PLCB1: variants seen among roughly 807,000 people sequenced by gnomAD.
The protein encoded by PLCB1 is phospholipase C beta 1, also known as 1-phosphatidylinositol 4,5-bisphosphate phosphodiesterase beta-1.
Under a neutral mutation model 161.8 loss-of-function variants are expected in PLCB1, and 46 were observed. That is an observed-to-expected ratio of 0.28 (90% CI 0.22 to 0.36). The LOEUF (loss-of-function observed/expected upper bound fraction) is 0.36, where lower values mean the gene tolerates loss of function less well. Ranked by LOEUF, PLCB1 falls within the 10% of genes least tolerant of loss-of-function variation. The pLI is 1.00. For missense variants in PLCB1, 1,016 were observed against 1,472.5 expected (o/e 0.69, Z 5.07); for synonymous variants, 517 against 503.7 (o/e 1.03, Z -0.35).
Position 8,432,442 on chromosome 20 carries a change from T to C in PLCB1, c.246+60992T>C, listed in dbSNP as rs749110916. Reference sequence around the variant, plus strand: ...TAAATCCAATCCTATCCTATCCTATTCTATCCGAGCCCCACCCTTATGACC... The same window carrying C: ...TAAATCCAATCCTATCCTATCCTATCCTATCCGAGCCCCACCCTTATGACC... On this transcript the variant is annotated intron_variant, in intron 3 of 31. Transcript: ENST00000338037. Among the ~76,000 whole-genome samples the C allele has an allele frequency of 2.2e-4, 33 of 152,324 alleles. No individual in the cohort carries two copies. In the Middle Eastern group the frequency reaches 0.01, roughly 47 times the overall value.
At chr20:8,766,121 TCA>T (rs1982303206) in intron 26 of PLCB1, among the ~76,000 whole-genome samples, 1 of 152,208 alleles carries the variant, frequency 6.6e-6, no homozygotes, top group Non-Finnish European at 1.5e-5. Context: ...GAAGCATCTC[TCA>T]CACATTCACT....
At chr20:8,417,956 G>C (rs947087097) in intron 3 of PLCB1, among the ~76,000 whole-genome samples, 2 of 152,232 alleles carry the variant, frequency 1.3e-5, no homozygotes, top group Admixed American at 1.3e-4. Context: ...CACCTGGCTA[G>C]CACAGGGCAG....
At chr20:8,214,436 C>T (rs1056369046) in intron 2 of PLCB1, among the ~76,000 whole-genome samples, 3 of 152,120 alleles carry the variant, frequency 2.0e-5, no homozygotes, top group Admixed American at 6.6e-5. Flanking sequence ...GACCCCTCCT[C>T]CCCCTTTGCC....
intron 24 of PLCB1, among the ~76,000 whole-genome samples, chr20:8,759,023 C>G (rs913535802): frequency 2.0e-5 from 3 of 152,228 alleles, no homozygotes; most frequent in Non-Finnish European, 4.4e-5. Flanking sequence ...GATTCCAACG[C>G]AGGATCCCAA....
intron 31 of PLCB1, among the ~76,000 whole-genome samples, chr20:8,875,786 A>G (rs1297714257): frequency 1.3e-5 from 2 of 151,954 alleles, no homozygotes; most frequent in South Asian, 2.1e-4. Flanking sequence ...TCTCTGATTC[A>G]TAACTCAGTA....
intron 23 of PLCB1, among the ~76,000 whole-genome samples, chr20:8,753,569 C>T (rs564170835): frequency 5.3e-5 from 8 of 152,232 alleles, no homozygotes; most frequent in South Asian, 2.1e-4. Flanking sequence ...CCTGGCCCAC[C>T]GAGTTCCCAG....
At chr20:8,138,137 C>G (rs148754170) in intron 1 of PLCB1, among the ~76,000 whole-genome samples, 1 of 152,344 alleles carries the variant, frequency 6.6e-6, no homozygotes, top group East Asian at 1.9e-4. Flanking sequence ...ATAATTTTCT[C>G]TCATAGGTTT....
intron 3 of PLCB1, among the ~76,000 whole-genome samples, chr20:8,389,814 G>A (rs933617956): frequency 6.6e-6 from 1 of 152,012 alleles, no homozygotes; most frequent in Non-Finnish European, 1.5e-5. Context: ...TGATGTGCAG[G>A]CCACACCCCA....
At chr20:8,144,090 T>C (rs1277387785) in intron 1 of PLCB1, among the ~76,000 whole-genome samples, 12 of 152,182 alleles carry the variant, frequency 7.9e-5, no homozygotes, top group Non-Finnish European at 1.5e-4. Flanking sequence ...TGATATACTA[T>C]GCTTTTAAAA....
chr20:8,643,887 C>A (rs1452406573), intron 4 of PLCB1, among the ~76,000 whole-genome samples: 1 of 152,146 alleles, frequency 6.6e-6, no homozygotes, highest in East Asian at 1.9e-4. Flanking sequence ...CTCACTGCAA[C>A]CTCCCTGCCT....
chr20:8,204,690 C>T (rs750215390), intron 2 of PLCB1, among the ~76,000 whole-genome samples: 39 of 152,036 alleles, frequency 2.6e-4, no homozygotes, highest in Non-Finnish European at 3.1e-4. Context: ...GCTTCGGGTA[C>T]GGCCTGCAGA....
chr20:8,745,450 G>T (rs955274810), intron 23 of PLCB1, among the ~76,000 whole-genome samples: 1 of 152,072 alleles, frequency 6.6e-6, no homozygotes, highest in East Asian at 1.9e-4. Flanking sequence ...TCATTGGACT[G>T]CAAAATATTA....
intron 3 of PLCB1, among the ~76,000 whole-genome samples, chr20:8,583,994 C>T (rs546058706): frequency 3.9e-5 from 6 of 152,042 alleles, no homozygotes; most frequent in East Asian, 1.9e-4. Context: ...TGAGTGTTTC[C>T]GGGGCAAAAA....
At chr20:8,438,317 T>A (rs1212256998) in intron 3 of PLCB1, among the ~76,000 whole-genome samples, 1 of 152,164 alleles carries the variant, frequency 6.6e-6, no homozygotes, top group East Asian at 1.9e-4. Flanking sequence ...AAACCAAAAT[T>A]GCTAGAATAT....
intron 2 of PLCB1, among the ~76,000 whole-genome samples, chr20:8,309,836 G>T (rs969645485): frequency 1.3e-5 from 2 of 152,136 alleles, no homozygotes; most frequent in Admixed American, 1.3e-4. Flanking sequence ...AGTGCTAAGT[G>T]TTCTTCTAAG....
intron 1 of PLCB1, among the ~76,000 whole-genome samples, chr20:8,134,694 A>C (rs796801582): frequency 1.3e-5 from 2 of 152,094 alleles, no homozygotes; most frequent in African/African-American, 4.8e-5. Flanking sequence ...CCAATGAGAG[A>C]GAGATTGGGT....
chr20:8,334,475 T>C (rs1028639131), intron 2 of PLCB1, among the ~76,000 whole-genome samples: 1 of 152,194 alleles, frequency 6.6e-6, no homozygotes, highest in African/African-American at 2.4e-5. Context: ...GTGACAAAAA[T>C]AACTTGTTAA....
chr20:8,364,356 T>G (rs1486880467), intron 2 of PLCB1, among the ~76,000 whole-genome samples: 4 of 152,322 alleles, frequency 2.6e-5, no homozygotes, highest in Non-Finnish European at 2.9e-5. Context: ...GGGATAACAT[T>G]CAGACTGGAG....
intron 3 of PLCB1, among the ~76,000 whole-genome samples, chr20:8,533,764 G>A (rs1215590945): frequency 6.6e-6 from 1 of 151,540 alleles, no homozygotes; most frequent in African/African-American, 2.4e-5. Context: ...CTGGATATTA[G>A]CCCTTTGTCA....
Sources: gnomAD v4.1 joint callset for allele counts (sites outside exome capture counted in the v4.1 genomes callset) on GRCh38, gnomAD v4.1.1 for gene constraint, MANE v1.5 for transcripts, NCBI Gene and HGNC (gene_info 2026-07-23, HGNC 2026-07-21) for gene names.